Variants in COG6 observed in about 807,000 individuals in gnomAD.
COG6 encodes component of oligomeric golgi complex 6.
In COG6, 74 loss-of-function variants were observed where a neutral mutation model predicts 88.8. The ratio of observed to expected loss-of-function variants is 0.83; its 90% confidence interval spans 0.69 to 1.01. The LOEUF (loss-of-function observed/expected upper bound fraction) is 1.01, where lower values mean the gene tolerates loss of function less well. Ranked by LOEUF, COG6 falls within the 50% of genes least tolerant of loss-of-function variation. The pLI is 0.00. For missense variants in COG6, 800 were observed against 797.9 expected (o/e 1.00, Z -0.03); for synonymous variants, 286 against 278.7 (o/e 1.03, Z -0.26).
In COG6 at chr13:39,719,312, C is replaced by T. The variant is rs1318956108; in HGVS notation, c.1361C>T (p.Ala454Val). ...QTLMLLREVLASHDSSVVPLD... is the reference protein window; with the variant it reads ...QTLMLLREVLVSHDSSVVPLD... ...CTCATGTTGCTGCGTGAAGTTTTAG[C>T]ATCTCACGATTCTTCAGTTGTACCA... The change falls in exon 14 of 19, where the codon GCA becomes GTA. Residue 454 changes from alanine (A) to valine (V), a missense_variant. Physicochemically the swap from Ala to Val is moderately conservative, Grantham distance 64. Transcript: ENST00000455146. 6.2e-7 allele frequency: 1 copy of T among 1,612,738 alleles called. No homozygotes were observed. The highest frequency in any genetic ancestry group is 8.5e-7 in the Non-Finnish European group (1 of 1,179,110).
chr13:39,724,412 G>T (rs1879017076), intron 16 of COG6, 96 bp from the exon 17 acceptor site: 9 of 904,192 alleles, frequency 1.0e-5, no homozygotes, highest in Admixed American at 2.3e-5. Context: ...CCAAATTTGG[G>T]CAGTGCACTA....
intron 4 of COG6, among the ~76,000 whole-genome samples, chr13:39,667,292 C>T (rs540530119): frequency 6.6e-6 from 1 of 152,256 alleles, no homozygotes; most frequent in East Asian, 1.9e-4. Context: ...TAATTTCATG[C>T]ATTTAATCCC....
At chr13:39,745,370 A>G (rs1452769198) in intron 18 of COG6, among the ~76,000 whole-genome samples, 1 of 152,232 alleles carries the variant, frequency 6.6e-6, no homozygotes, top group African/African-American at 2.4e-5. Flanking sequence ...TCCAGAATCT[A>G]CAAAGAACTT....
At chr13:39,746,777 A>G (rs1164794197) in intron 18 of COG6, among the ~76,000 whole-genome samples, 1 of 152,204 alleles carries the variant, frequency 6.6e-6, no homozygotes, top group Non-Finnish European at 1.5e-5. Context: ...AGTAATTATT[A>G]CTGTAAATAA....
At chr13:39,714,038 A>G (rs559066922) in intron 13 of COG6, among the ~76,000 whole-genome samples, 3 of 152,200 alleles carry the variant, frequency 2.0e-5, no homozygotes, top group Admixed American at 1.3e-4. Flanking sequence ...CTCACTTGCA[A>G]TGATTTACCA....
intron 5 of COG6, 65 bp downstream of exon 5, chr13:39,677,644 T>G (rs1876053976): frequency 1.1e-6 from 1 of 900,630 alleles, no homozygotes; most frequent in South Asian, 1.7e-5. Flanking sequence ...GAGAAATTGC[T>G]TTTTTGAAGC....
rs1284095057 is a variant in COG6, at chr13:39,751,029, A to G, written c.1910A>G (p.Glu637Gly). ...GCAGCCGTGATGAATCCAATCAATGAATACAAAGATCCAGAGAACATTCTT... is the reference window on the plus strand; with the variant it reads ...GCAGCCGTGATGAATCCAATCAATGGATACAAAGATCCAGAGAACATTCTT... The part of the protein sequence containing the change: ...VYAAVMNPIN[E>G]YKDPENILHR... Residue 637 changes from glutamate to glycine, a missense_variant, in exon 19 of 19, where the codon GAA becomes GGA. Coordinates refer to ENST00000455146, the MANE Select transcript of COG6 (RefSeq NM_020751.3). 6.2e-7 allele frequency: 1 copy of G among 1,613,722 alleles called. No individual in the cohort carries two copies. The highest frequency in any genetic ancestry group is 8.5e-7 in the Non-Finnish European group (1 of 1,179,758).
chr13:39,695,387 A>G (rs1022430927), intron 12 of COG6, among the ~76,000 whole-genome samples: 12 of 151,892 alleles, frequency 7.9e-5, no homozygotes, highest in African/African-American at 2.9e-4. Context: ...GAGTTTTATT[A>G]TAACTCTCAC....
Position 39,751,943 on chromosome 13 carries a change from C to G in COG6, c.*850C>G. ...AAATCCAACCAACTACACATTTTAT[C>G]TGGTGTTCAAACCAAAGAAACAATG... On this transcript the variant is annotated 3_prime_UTR_variant, in exon 19 of 19. Transcript: ENST00000455146. 2 of 1,220,166 alleles carry G rather than the reference C, an allele frequency of 1.6e-6. No homozygotes were observed. The highest frequency in any genetic ancestry group is 2.2e-6 in the Non-Finnish European group (2 of 927,810). 75.6% of individuals were successfully genotyped at this position (1,220,166 alleles called of 1,614,324 possible).
At chr13:39,678,120 G>A in intron 5 of COG6, 1 of 435,406 alleles carries the variant, frequency 2.3e-6, no homozygotes, top group Non-Finnish European at 4.6e-6. Context: ...TGGCTGGAGT[G>A]CAGTAGCACG....
chr13:39,662,273 C>G (rs1210335932), intron 3 of COG6, among the ~76,000 whole-genome samples: 1 of 151,724 alleles, frequency 6.6e-6, no homozygotes, highest in Non-Finnish European at 1.5e-5. Context: ...ATTACAGGCG[C>G]CTGACACCAT....
In COG6 at chr13:39,687,544, TTG is replaced by T. The variant is rs1876724640; in HGVS notation, c.832_833del (p.Val278SerfsTer5). The T allele has an allele frequency of 6.2e-7, 1 of 1,612,944 alleles. No homozygotes were observed. The highest frequency in any genetic ancestry group is 8.5e-7 in the Non-Finnish European group (1 of 1,179,444). On this transcript the variant is annotated frameshift_variant, in exon 9 of 19. Transcript: ENST00000455146. LOFTEE classifies it high-confidence loss of function. ...TTTGGAACAGCCAGAAGAAGTACAG[TTG>T]TTCGTGGATTTATTGATGCGCTCAC...
intron 15 of COG6, among the ~76,000 whole-genome samples, chr13:39,720,895 A>G (rs1053950760): frequency 1.3e-5 from 2 of 152,024 alleles, no homozygotes; most frequent in African/African-American, 2.4e-5. Context: ...GGATAAGAAT[A>G]TGGTCATACT....
intron 18 of COG6, among the ~76,000 whole-genome samples, chr13:39,760,250 A>T (rs1880969264): frequency 6.6e-6 from 1 of 152,160 alleles, no homozygotes; most frequent in Non-Finnish European, 1.5e-5. Context: ...TTGTTGTGCT[A>T]GCTGGGCCTC....
intron 1 of COG6, among the ~76,000 whole-genome samples, chr13:39,657,530 G>GT (rs35439076): frequency 0.45 from 67,263 of 149,132 alleles, 15,455 homozygotes; most frequent in Admixed American, 0.59. Flanking sequence ...CACTTCATGG[G>GT]TTTTTTTTTT....
At chr13:39,745,335 C>G (rs1880284364) in intron 18 of COG6, among the ~76,000 whole-genome samples, 2 of 152,162 alleles carry the variant, frequency 1.3e-5, no homozygotes, top group African/African-American at 4.8e-5. Context: ...TGTTTGCAAT[C>G]TACCCATCTG....
In COG6 at chr13:39,719,269, T is replaced by C; in HGVS notation, c.1318T>C (p.Ser440Pro). The C allele has an allele frequency of 6.2e-7, 1 of 1,612,896 alleles. No homozygotes were observed. The highest frequency in any genetic ancestry group is 8.5e-7 in the Non-Finnish European group (1 of 1,179,176). The change falls in exon 14 of 19, where the codon TCT becomes CCT. Residue 440 changes from serine to proline, a missense_variant. By Grantham distance (74) the Ser-to-Pro change is moderately conservative. Coordinates refer to ENST00000455146, the MANE Select transcript of COG6 (RefSeq NM_020751.3). ...ELPPPDLGPS[S>P]ALNQTLMLLR... ...CCCACCACCTGATCTTGGACCAAGT[T>C]CTGCACTAAATCAGACACTCATGTT...
In COG6 at chr13:39,737,283, T is replaced by C. The variant is rs552201464; in HGVS notation, c.1826+9735T>C. On this transcript the variant is annotated intron_variant, in intron 18 of 18. Coordinates refer to ENST00000455146, the MANE Select transcript of COG6 (RefSeq NM_020751.3). ...GGTGAGATCCAAAGCAAGCATAGCA[T>C]TGGGTCTTGCCCAAGGCCCACAGGG... Among the ~76,000 whole-genome samples the C allele has an allele frequency of 3.3e-5, 5 of 152,180 alleles. No homozygotes were observed. The South Asian group carries it at 6.2e-4, about 19-fold the overall frequency.
chr13:39,692,424 G>A (rs376099869), intron 11 of COG6, among the ~76,000 whole-genome samples: 98 of 151,892 alleles, frequency 6.5e-4, no homozygotes, highest in South Asian at 4.8e-3. Context: ...GATTATGGTG[G>A]GTTCTATGAA....
Sources: allele counts gnomAD v4.1 joint callset (sites outside exome capture counted in the v4.1 genomes callset), GRCh38; gene constraint gnomAD v4.1.1; transcripts MANE v1.5; gene names NCBI Gene and HGNC (gene_info 2026-07-23, HGNC 2026-07-21).